LARGE1: variants seen among roughly 807,000 people sequenced by gnomAD.
LARGE1 encodes LARGE xylosyl- and glucuronyltransferase 1, also known as xylosyl- and glucuronyltransferase LARGE1.
Under a neutral mutation model 87.6 loss-of-function variants are expected in LARGE1, and 43 were observed. That is an observed-to-expected ratio of 0.49 (90% CI 0.38 to 0.63). LARGE1 has a LOEUF of 0.63. LARGE1 is among the 30% of genes least tolerant of loss of function. The probability of loss-of-function intolerance (pLI) is 0.00; values close to 1 mark genes in which losing one functional copy is unlikely to be tolerated. For missense variants in LARGE1, 802 were observed against 1,000.2 expected, an observed-to-expected ratio of 0.80 and a Z score of 2.67; for synonymous variants, 434 against 394.6, an observed-to-expected ratio of 1.10 and a Z score of -1.18.
At chr22:33,583,904 T>C (rs1246371578) in intron 5 of LARGE1, among the ~76,000 whole-genome samples, 1 of 152,232 alleles carries the variant, frequency 6.6e-6, no homozygotes, top group Non-Finnish European at 1.5e-5. Flanking sequence ...TGCTTTCTTT[T>C]AATCAAAATG....
chr22:33,691,738 G>A (rs929566787), intron 2 of LARGE1, among the ~76,000 whole-genome samples: 1 of 152,236 alleles, frequency 6.6e-6, no homozygotes, highest in South Asian at 2.1e-4. Context: ...TCTTCCTACC[G>A]TCTGGGTCAG....
chr22:33,287,836 A>G (rs1415085707), intron 12 of LARGE1, among the ~76,000 whole-genome samples: 1 of 152,214 alleles, frequency 6.6e-6, no homozygotes, highest in Non-Finnish European at 1.5e-5. Context: ...ATTACTCTTT[A>G]GATTGCTAAA....
At position 33,354,524 on chromosome 22, in the gene LARGE1, G is replaced by A. The variant is rs571128585; in HGVS notation, c.1132-16723C>T. Reference sequence around the variant, plus strand: ...GTTTCACTGAAAAGTCACAGTTTCCGTTAACCTATCGATGACATTAAGTGA... The same window carrying A: ...GTTTCACTGAAAAGTCACAGTTTCCATTAACCTATCGATGACATTAAGTGA... On this transcript the variant is annotated intron_variant, in intron 9 of 14. Transcript: ENST00000397394. Among the ~76,000 whole-genome samples, 6 of 152,296 alleles carry A rather than the reference G, an allele frequency of 3.9e-5. No individual in the cohort carries two copies. In the East Asian group the frequency reaches 7.7e-4, roughly 20 times the overall value.
the LARGE1 span, among the ~76,000 whole-genome samples, chr22:33,087,397 T>G: frequency 3.3e-5 from 5 of 152,164 alleles, no homozygotes; most frequent in South Asian, 4.1e-4. Flanking sequence ...CAATATTGCA[T>G]TGCTGTGTAG....
chr22:33,807,057 A>G (rs1464138616), intron 1 of LARGE1, among the ~76,000 whole-genome samples: 1 of 152,130 alleles, frequency 6.6e-6, no homozygotes, highest in Admixed American at 6.6e-5. Flanking sequence ...CAACTTCCAC[A>G]AAGACAGCTG....
At chr22:33,824,489 A>G (rs573325744) in intron 1 of LARGE1, among the ~76,000 whole-genome samples, 1 of 152,088 alleles carries the variant, frequency 6.6e-6, no homozygotes, top group Non-Finnish European at 1.5e-5. Context: ...TGATTCAATC[A>G]CCTCCCTCCA....
chr22:33,620,434 A>G (rs1353363013), intron 4 of LARGE1, among the ~76,000 whole-genome samples: 2 of 152,178 alleles, frequency 1.3e-5, no homozygotes, highest in Admixed American at 1.3e-4. Flanking sequence ...TTGGAGTCAC[A>G]GGCATTCCCC....
intron 1 of LARGE1, among the ~76,000 whole-genome samples, chr22:33,823,551 G>C (rs1048861739): frequency 1.3e-5 from 2 of 152,184 alleles, no homozygotes; most frequent in African/African-American, 2.4e-5. Flanking sequence ...CACACTTCCA[G>C]AACACAGCCT....
In LARGE1 at chr22:33,670,536, G is replaced by A. The variant is rs768604482; in HGVS notation, c.107-19868C>T. On this transcript the variant is annotated intron_variant, in intron 2 of 14. Coordinates refer to ENST00000397394, the MANE Select transcript of LARGE1 (RefSeq NM_133642.5). The stretch of plus-strand genomic sequence containing the variant: ...GCCAAAGTGGACCCACGGGGGCACC[G>A]CAGGATACTTTAAAACTTCTAGAGA... 4.6e-5 allele frequency among the ~76,000 whole-genome samples: 7 copies of A among 152,152 alleles called. No homozygotes were observed. The East Asian group carries it at 5.9e-4, about 13-fold the overall frequency.
intron 1 of LARGE1, among the ~76,000 whole-genome samples, chr22:33,902,241 C>T (rs534340018): frequency 1.3e-5 from 2 of 152,206 alleles, no homozygotes; most frequent in East Asian, 1.9e-4. Flanking sequence ...CTCTCACACA[C>T]GGGAGTGCTG....
intron 6 of LARGE1, among the ~76,000 whole-genome samples, chr22:33,549,658 A>T (rs1194674380): frequency 6.6e-6 from 1 of 152,232 alleles, no homozygotes; most frequent in Non-Finnish European, 1.5e-5. Flanking sequence ...TGTGGATTAC[A>T]AATAAGAAGG....
chr22:33,304,158 C>T, intron 12 of LARGE1, 71 bp downstream of exon 12: 1 of 1,550,254 alleles, frequency 6.5e-7, no homozygotes, highest in Non-Finnish European at 8.9e-7. Flanking sequence ...ACCCTAAGGG[C>T]CTTTTGGTCC....
intron 4 of LARGE1, among the ~76,000 whole-genome samples, chr22:33,607,605 C>A (rs901711924): frequency 6.6e-6 from 1 of 151,862 alleles, no homozygotes; most frequent in African/African-American, 2.4e-5. Flanking sequence ...CCTGGGTCAG[C>A]GGCAATGGCT....
chr22:33,753,918 T>A (rs1472195855), intron 2 of LARGE1, among the ~76,000 whole-genome samples: 1 of 151,370 alleles, frequency 6.6e-6, no homozygotes, highest in African/African-American at 2.4e-5. Context: ...AAAAAATAAC[T>A]GGGCATGGGG....
At chr22:33,843,308 A>G (rs568797568) in intron 1 of LARGE1, among the ~76,000 whole-genome samples, 2 of 152,012 alleles carry the variant, frequency 1.3e-5, no homozygotes, top group Non-Finnish European at 2.9e-5. Flanking sequence ...ACAGTGGCTC[A>G]TGCCTGTAAT....
chr22:33,113,516 T>G, the LARGE1 span, among the ~76,000 whole-genome samples: 1 of 152,178 alleles, frequency 6.6e-6, no homozygotes, highest in Non-Finnish European at 1.5e-5. Context: ...CGTCATTTAA[T>G]TATCACCCAA....
chr22:33,619,041 G>A (rs1246112784), intron 4 of LARGE1, among the ~76,000 whole-genome samples: 1 of 152,204 alleles, frequency 6.6e-6, no homozygotes, highest in Non-Finnish European at 1.5e-5. Flanking sequence ...CTTTGAGTAG[G>A]GGGACCACCC....
intron 6 of LARGE1, among the ~76,000 whole-genome samples, chr22:33,532,020 T>G (rs546431733): frequency 6.6e-6 from 1 of 152,348 alleles, no homozygotes; most frequent in South Asian, 2.1e-4. Flanking sequence ...AGTACATTTT[T>G]GCAATCAACT....
intron 1 of LARGE1, among the ~76,000 whole-genome samples, chr22:33,814,417 A>C (rs1157276563): frequency 6.6e-6 from 1 of 152,224 alleles, no homozygotes; most frequent in Non-Finnish European, 1.5e-5. Flanking sequence ...TGGCTAGGCT[A>C]TGGTCCCCAG....
Sources: allele counts gnomAD v4.1 joint callset (sites outside exome capture counted in the v4.1 genomes callset), GRCh38; gene constraint gnomAD v4.1.1; transcripts MANE v1.5; gene names NCBI Gene and HGNC (gene_info 2026-07-23, HGNC 2026-07-21).